SUSD6: variants seen among roughly 807,000 people sequenced by gnomAD.
SUSD6 encodes the protein sushi domain-containing protein 6.
SUSD6 carries 16 observed loss-of-function variants against 28.4 expected under a neutral mutation model. The observed-to-expected ratio is 0.56, with a 90% confidence interval of 0.38 to 0.86. SUSD6 has a LOEUF of 0.86. Among genes scored for constraint, SUSD6 ranks in the 40% least tolerant of loss-of-function variants. The pLI is 0.00. For synonymous variants in SUSD6, 147 were observed against 159.6 expected, an observed-to-expected ratio of 0.92 and a Z score of 0.59; for missense variants, 341 against 384.2, an observed-to-expected ratio of 0.89 and a Z score of 0.94.
At chr14:69,689,539 A>G (rs1252098956) in intron 2 of SUSD6, among the ~76,000 whole-genome samples, 1 of 152,190 alleles carries the variant, frequency 6.6e-6, no homozygotes, top group Non-Finnish European at 1.5e-5. Context: ...CATGTGTATT[A>G]TTTGCCCTTG....
chr14:69,616,744 G>GT (rs1284174584), intron 1 of SUSD6, among the ~76,000 whole-genome samples: 7 of 151,964 alleles, frequency 4.6e-5, no homozygotes, highest in Non-Finnish European at 1.0e-4. Flanking sequence ...TGTGTATTCT[G>GT]TTTTTTCCAT....
intron 2 of SUSD6, among the ~76,000 whole-genome samples, chr14:69,677,501 C>T (rs1885929307): frequency 6.7e-6 from 1 of 149,078 alleles, no homozygotes; most frequent in South Asian, 2.1e-4. Flanking sequence ...GAGCCAAGAT[C>T]ACGCCACCGC....
At chr14:69,710,220 C>T (rs1886443592) in intron 5 of SUSD6, among the ~76,000 whole-genome samples, 1 of 152,198 alleles carries the variant, frequency 6.6e-6, no homozygotes, top group African/African-American at 2.4e-5. Context: ...GGGCCCTCCT[C>T]TTCCTCCTCT....
intron 2 of SUSD6, among the ~76,000 whole-genome samples, chr14:69,678,191 T>C (rs1342003840): frequency 3.9e-5 from 6 of 152,086 alleles, no homozygotes; most frequent in African/African-American, 1.4e-4. Flanking sequence ...AAAAAAAGTA[T>C]GTAACCTTCC....
At chr14:69,677,906 A>G (rs1460741106) in intron 2 of SUSD6, among the ~76,000 whole-genome samples, 2 of 152,210 alleles carry the variant, frequency 1.3e-5, no homozygotes, top group East Asian at 3.8e-4. Flanking sequence ...GTTCCACTGT[A>G]AACTTAAAAA....
At chr14:69,652,320 G>A (rs780722800) in intron 1 of SUSD6, among the ~76,000 whole-genome samples, 4 of 152,030 alleles carry the variant, frequency 2.6e-5, no homozygotes, top group Non-Finnish European at 5.9e-5. Flanking sequence ...GGTGGCGTGC[G>A]CCTGTAGTCC....
intron 3 of SUSD6, among the ~76,000 whole-genome samples, chr14:69,704,043 T>C (rs74060290): frequency 0.022 from 3,343 of 152,290 alleles, 128 homozygotes; most frequent in African/African-American, 0.077. Context: ...TGCAGGAAAG[T>C]GTGTCATATA....
At chr14:69,689,304 A>C (rs370321520) in intron 2 of SUSD6, among the ~76,000 whole-genome samples, 1 of 152,058 alleles carries the variant, frequency 6.6e-6, no homozygotes, top group Non-Finnish European at 1.5e-5. Flanking sequence ...TTATCTTTCC[A>C]CCTGCCTACC....
At chr14:69,661,373 A>C (rs1260879453) in intron 2 of SUSD6, among the ~76,000 whole-genome samples, 1 of 151,972 alleles carries the variant, frequency 6.6e-6, no homozygotes, top group Non-Finnish European at 1.5e-5. Flanking sequence ...GGATAAAGGG[A>C]TTATTATTTT....
chr14:69,710,927 T>C (rs1289748118), intron 5 of SUSD6, 27 bp from the exon 6 acceptor site: 9 of 1,613,526 alleles, frequency 5.6e-6, no homozygotes, highest in Admixed American at 1.7e-5. Context: ...AGGTAACCAC[T>C]GTGCTTTTCT....
At chr14:69,633,782 G>A (rs1336994072) in intron 1 of SUSD6, among the ~76,000 whole-genome samples, 2 of 152,124 alleles carry the variant, frequency 1.3e-5, no homozygotes, top group South Asian at 4.1e-4. Flanking sequence ...TGAAATTCTT[G>A]GTAGGCTGGG....
At chr14:69,625,037 A>G (rs1259374320) in intron 1 of SUSD6, among the ~76,000 whole-genome samples, 2 of 152,262 alleles carry the variant, frequency 1.3e-5, no homozygotes, top group East Asian at 1.9e-4. Context: ...AAAGATAGGT[A>G]TGTGTCTGAC....
intron 2 of SUSD6, among the ~76,000 whole-genome samples, chr14:69,667,851 T>G (rs1885767885): frequency 6.6e-6 from 1 of 152,234 alleles, no homozygotes; most frequent in African/African-American, 2.4e-5. Context: ...TTCTTGTTCT[T>G]TGTTCTTGAT....
intron 2 of SUSD6, among the ~76,000 whole-genome samples, chr14:69,695,983 C>A (rs1172086071): frequency 1.3e-5 from 2 of 152,200 alleles, no homozygotes; most frequent in African/African-American, 4.8e-5. Flanking sequence ...GGAATCACCT[C>A]CCCTTTGAAA....
Position 69,616,190 on chromosome 14 carries a change from G to A in SUSD6, c.-81+4362G>A, listed in dbSNP as rs533254944. 3.3e-5 allele frequency among the ~76,000 whole-genome samples: 5 copies of A among 152,240 alleles called. No individual in the cohort carries two copies. In the South Asian group the frequency reaches 1.0e-3, roughly 32 times the overall value. On this transcript the variant is annotated intron_variant, in intron 1 of 5. Coordinates refer to ENST00000342745, the MANE Select transcript of SUSD6 (RefSeq NM_014734.4). ...TCTTCTCTGGTGAAAAATGATTCAGGATTCTGCAGTTGGAGATTGGATACA... is the reference window on the plus strand; with the variant it reads ...TCTTCTCTGGTGAAAAATGATTCAGAATTCTGCAGTTGGAGATTGGATACA...
intron 1 of SUSD6, among the ~76,000 whole-genome samples, chr14:69,651,192 C>G (rs941338945): frequency 6.6e-5 from 10 of 152,164 alleles, no homozygotes; most frequent in African/African-American, 2.4e-4. Context: ...TCCCTCCTGT[C>G]CTGTGATCAG....
intron 2 of SUSD6, among the ~76,000 whole-genome samples, chr14:69,696,262 T>G (rs551766034): frequency 2.0e-5 from 3 of 152,350 alleles, no homozygotes; most frequent in African/African-American, 7.2e-5. Flanking sequence ...AGTTAAGCCT[T>G]ATTGTCCTTA....
At chr14:69,661,788 TTG>T (rs1307660177) in intron 2 of SUSD6, among the ~76,000 whole-genome samples, 7 of 152,116 alleles carry the variant, frequency 4.6e-5, no homozygotes, top group Non-Finnish European at 1.0e-4. Flanking sequence ...TTTCCTCTTC[TTG>T]TGTTTCTTTT....
rs1886491826 is a variant in SUSD6 at position 69,713,109 on chromosome 14, T to C, written c.*2130T>C. On this transcript the variant is annotated 3_prime_UTR_variant, in exon 6 of 6. Coordinates refer to ENST00000342745, the MANE Select transcript of SUSD6 (RefSeq NM_014734.4). ...AAACCCGCATTCTATTCTAGAATGG[T>C]TTTTAAAATGGAAGATCTTACCTTT... 6.6e-6 allele frequency: 1 copy of C among 152,210 alleles called. No individual in the cohort carries two copies. The highest frequency in any genetic ancestry group is 2.4e-5 in the African/African-American group (1 of 41,444). The allele number at this position is 152,210 out of a possible 1,614,324, so 9.4% of individuals were successfully genotyped here. A position where few individuals can be genotyped will look rare whatever the true frequency, so the allele number is the denominator to read the frequency against.
Sources: allele counts gnomAD v4.1 joint callset (sites outside exome capture counted in the v4.1 genomes callset), GRCh38; gene constraint gnomAD v4.1.1; transcripts MANE v1.5; gene names NCBI Gene and HGNC (gene_info 2026-07-23, HGNC 2026-07-21).